C9orf78: variants seen among roughly 807,000 people sequenced by gnomAD.
The protein encoded by C9orf78 is chromosome 9 open reading frame 78.
C9orf78 carries 19 observed loss-of-function variants against 37.4 expected under a neutral mutation model. That is an observed-to-expected ratio of 0.51 (90% CI 0.35 to 0.74). C9orf78 has a LOEUF of 0.74. Among genes scored for constraint, C9orf78 ranks in the 30% least tolerant of loss-of-function variants. The probability of loss-of-function intolerance (pLI) is 0.01; values close to 1 mark genes in which losing one functional copy is unlikely to be tolerated. For missense variants in C9orf78, 291 were observed against 370.8 expected, an observed-to-expected ratio of 0.78 and a Z score of 1.77; for synonymous variants, 130 against 128.0, an observed-to-expected ratio of 1.02 and a Z score of -0.10.
chr9:129,833,011 G>A (rs1266116625), intron 4 of C9orf78, among the ~76,000 whole-genome samples: 5 of 141,970 alleles, frequency 3.5e-5, no homozygotes, highest in South Asian at 2.4e-4. Flanking sequence ...GTGTGTGTGT[G>A]TGTGTATATG....
intron 2 of C9orf78, 83 bp from the exon 3 acceptor site, chr9:129,833,792 C>A (rs2274508): frequency 1.2e-6 from 1 of 857,208 alleles, no homozygotes. Flanking sequence ...CTCAGGTATG[C>A]GGATTGCAAC....
At chr9:129,830,030 C>A (rs182670024) in intron 6 of C9orf78, 43 of 153,446 alleles carry the variant, frequency 2.8e-4, no homozygotes, top group South Asian at 1.2e-3. Context: ...ACTTTTGCTT[C>A]CAGCAGTCAG....
intron 7 of C9orf78, 37 bp from the exon 8 acceptor site, chr9:129,829,340 G>A: frequency 6.2e-7 from 1 of 1,602,252 alleles, no homozygotes; most frequent in East Asian, 2.2e-5. Context: ...GTTAGAACAT[G>A]AGGTTCCTAG....
chr9:129,829,792 A>T, intron 6 of C9orf78: 1 of 401,594 alleles, frequency 2.5e-6, no homozygotes, highest in African/African-American at 2.0e-5. Context: ...TAAGGCTCAA[A>T]GTTTGTAAAG....
chr9:129,828,927 T>C (rs1395596380), intron 8 of C9orf78: 2 of 512,572 alleles, frequency 3.9e-6, no homozygotes, highest in Admixed American at 3.2e-5. Context: ...TTGTCCTTAC[T>C]GAAATTTTCT....
chr9:129,831,308 A>G (rs2031490022), intron 5 of C9orf78: 1 of 529,018 alleles, frequency 1.9e-6, no homozygotes, highest in Non-Finnish European at 3.4e-6. Context: ...AGACAGAAAG[A>G]TGATAGTTTG....
Position 129,827,326 on chromosome 9 carries a change from A to G in C9orf78, c.*835T>C, listed in dbSNP as rs1400551531. 2 of 152,226 alleles carry G rather than the reference A, an allele frequency of 1.3e-5. No homozygotes were observed. The highest frequency in any genetic ancestry group is 2.4e-5 in the African/African-American group (1 of 41,456). 9.4% of individuals were successfully genotyped at this position (152,226 alleles called of 1,614,324 possible). On this transcript the variant is annotated 3_prime_UTR_variant, in exon 9 of 9. Coordinates refer to ENST00000372447, the MANE Select transcript of C9orf78 (RefSeq NM_016520.3). The stretch of plus-strand genomic sequence containing the variant: ...TTGAAATTTAATAATTCTAATAGTA[A>G]TAAGAAACATAGTTTATGCTTTTTT...
At chr9:129,833,843 C>T in intron 2 of C9orf78, 134 bp from the exon 3 acceptor site, 2 of 662,766 alleles carry the variant, frequency 3.0e-6, no homozygotes, top group East Asian at 2.8e-5. Flanking sequence ...GTAGGCAAGC[C>T]GGCTGGAAAA....
At chr9:129,833,628 T>C (rs2031577107) in intron 3 of C9orf78, 30 bp downstream of exon 3, 1 of 1,563,506 alleles carries the variant, frequency 6.4e-7, no homozygotes, top group African/African-American at 1.4e-5. Context: ...AGGGCTGCCA[T>C]AACTACTCAG....
chr9:129,829,353 A>T, intron 7 of C9orf78, 50 bp from the exon 8 acceptor site: 1 of 1,603,642 alleles, frequency 6.2e-7, no homozygotes, highest in Non-Finnish European at 8.5e-7. Flanking sequence ...GTTCCTAGGG[A>T]TCTCAGCCCA....
chr9:129,835,003 C>A, intron 1 of C9orf78, 136 bp downstream of exon 1: 1 of 787,356 alleles, frequency 1.3e-6, no homozygotes, highest in South Asian at 1.6e-5. Context: ...CCCCTTGAGC[C>A]TCAATTTCTG....
intron 6 of C9orf78, chr9:129,830,011 TA>T (rs890695313): frequency 3.9e-5 from 6 of 153,666 alleles, no homozygotes; most frequent in African/African-American, 1.4e-4. Context: ...TGTAACACGC[TA>T]AAGAACCACT....
At chr9:129,832,113 A>G (rs2031515240) in intron 4 of C9orf78, 140 bp from the exon 5 acceptor site, 2 of 605,058 alleles carry the variant, frequency 3.3e-6, no homozygotes, top group Admixed American at 2.9e-5. Flanking sequence ...ATGCCGTAGT[A>G]TATGTAAAGA....
chr9:129,831,879 AAC>A lies in C9orf78; in HGVS notation c.344+15_344+16del. 1 of 1,391,806 alleles carries A rather than the reference AAC, an allele frequency of 7.2e-7. No homozygotes were observed. The highest frequency in any genetic ancestry group is 1.0e-6 in the Non-Finnish European group (1 of 976,822). 86.2% of individuals were successfully genotyped at this position (1,391,806 alleles called of 1,614,324 possible). A position where few individuals can be genotyped will look rare whatever the true frequency, so the allele number is the denominator to read the frequency against. On this transcript the variant is annotated intron_variant, in intron 5 of 8. Coordinates refer to ENST00000372447, the MANE Select transcript of C9orf78 (RefSeq NM_016520.3). ...GTCCAGCCCCAACTGCTCACAGCCA[AAC>A]AGACTGACACTTACATGTCTGCATC...
rs2031568351 is a variant in C9orf78, at chr9:129,833,528, C to T, written c.196-11G>A. 6.3e-7 allele frequency: 1 copy of T among 1,589,962 alleles called. No homozygotes were observed. Among genetic ancestry groups the T allele is most frequent in the African/African-American group, 1.3e-5 (1 of 74,414 alleles). Reference sequence around the variant, plus strand: ...CTGAAAGGGATCATCCTGCAGAAAGCAAACACAGTTAAGAGGAAGCATCTA... The same window carrying T: ...CTGAAAGGGATCATCCTGCAGAAAGTAAACACAGTTAAGAGGAAGCATCTA... On this transcript the variant is annotated splice_polypyrimidine_tract_variant and intron_variant, in intron 3 of 8. Transcript: ENST00000372447.
rs374516684 is a variant in C9orf78, at chr9:129,828,126, G to T, written c.*35C>A. The T allele has an allele frequency of 8.1e-7, 1 of 1,234,226 alleles. No individual in the cohort carries two copies. The highest frequency in any genetic ancestry group is 1.2e-5 in the South Asian group (1 of 83,284). The allele number at this position is 1,234,226 out of a possible 1,614,324, so 76.5% of individuals were successfully genotyped here. ...ATTTTTCATGGGAGGGATATAGGGA[G>T]AGGAAGGCGATATTTACATCCCACT... On this transcript the variant is annotated 3_prime_UTR_variant, in exon 9 of 9. Transcript: ENST00000372447.
chr9:129,828,906 G>A, intron 8 of C9orf78: 1 of 461,802 alleles, frequency 2.2e-6, no homozygotes. Context: ...AACCTTATGA[G>A]TAGCTTTTAT....
chr9:129,828,948 G>C, intron 8 of C9orf78: 1 of 564,746 alleles, frequency 1.8e-6, no homozygotes, highest in Non-Finnish European at 3.2e-6. Context: ...AACTTCTTGA[G>C]TCTCTACTGT....
At chr9:129,834,079 C>T (rs2031601739) in intron 2 of C9orf78, 1 of 247,030 alleles carries the variant, frequency 4.0e-6, no homozygotes, top group Non-Finnish European at 8.0e-6. Context: ...TACAAAATCA[C>T]CTACATGTCC....
Sources: allele counts gnomAD v4.1 joint callset (sites outside exome capture counted in the v4.1 genomes callset), GRCh38; gene constraint gnomAD v4.1.1; transcripts MANE v1.5; gene names NCBI Gene and HGNC (gene_info 2026-07-23, HGNC 2026-07-21).